Variants in PLCB1 observed in about 807,000 individuals in gnomAD.
PLCB1 encodes the protein phospholipase C beta 1.
Under a neutral mutation model 161.8 loss-of-function variants are expected in PLCB1, and 46 were observed. The ratio of observed to expected loss-of-function variants is 0.28; its 90% confidence interval spans 0.22 to 0.36. The LOEUF is 0.36. PLCB1 is among the 10% of genes least tolerant of loss of function. The pLI is 1.00. For synonymous variants in PLCB1, 517 were observed against 503.7 expected, an observed-to-expected ratio of 1.03 and a Z score of -0.35; for missense variants, 1,016 against 1,472.5, an observed-to-expected ratio of 0.69 and a Z score of 5.07.
chr20:8,334,933 A>G (rs1322593592), intron 2 of PLCB1, among the ~76,000 whole-genome samples: 1 of 152,236 alleles, frequency 6.6e-6, no homozygotes, highest in African/African-American at 2.4e-5. Context: ...CAAAGTTCAG[A>G]CATCGAGTTT....
chr20:8,439,157 T>A (rs1980438747), intron 3 of PLCB1, among the ~76,000 whole-genome samples: 1 of 152,130 alleles, frequency 6.6e-6, no homozygotes, highest in East Asian at 1.9e-4. Flanking sequence ...AGTGAGCAAA[T>A]GATTTAACAG....
In PLCB1 at chr20:8,687,110, C is replaced by T. The variant is rs8114417; in HGVS notation, c.1009+2032C>T. Among the ~76,000 whole-genome samples, 716 of 151,730 alleles carry T rather than the reference C, an allele frequency of 4.7e-3. 5 individuals carry two copies. Among genetic ancestry groups the T allele is most frequent in the Non-Finnish European group, 8.6e-3 (581 of 67,934 alleles). On this transcript the variant is annotated intron_variant, in intron 10 of 31. Coordinates refer to ENST00000338037, the MANE Select transcript of PLCB1 (RefSeq NM_015192.4). ...GCATGATGATAGCTCACTGTAGTCC[C>T]GATCTCCTGGGCTCAAGCAATCCTC...
chr20:8,641,948 A>G (rs1285283879), intron 4 of PLCB1, among the ~76,000 whole-genome samples: 1 of 152,180 alleles, frequency 6.6e-6, no homozygotes, highest in African/African-American at 2.4e-5. Context: ...GAAACGACCC[A>G]TTGCACTTGA....
chr20:8,628,926 G>C (rs6077397), intron 4 of PLCB1, among the ~76,000 whole-genome samples: 21,938 of 150,142 alleles, frequency 0.15, 1,582 homozygotes, highest in Middle Eastern at 0.22. Flanking sequence ...GAGTGAGACT[G>C]TATCTCAAAA....
chr20:8,400,071 A>T (rs940774435), intron 3 of PLCB1, among the ~76,000 whole-genome samples: 13 of 152,138 alleles, frequency 8.5e-5, no homozygotes, highest in African/African-American at 3.1e-4. Context: ...ATTTTTATGG[A>T]ATGGAAATCT....
intron 25 of PLCB1, among the ~76,000 whole-genome samples, chr20:8,760,873 T>C (rs1981985286): frequency 6.6e-6 from 1 of 152,240 alleles, no homozygotes; most frequent in Admixed American, 6.5e-5. Flanking sequence ...TTTGGAGTTA[T>C]TTTATATTTG....
chr20:8,152,193 C>T (rs1264875144), intron 2 of PLCB1, among the ~76,000 whole-genome samples: 1 of 152,096 alleles, frequency 6.6e-6, no homozygotes, highest in African/African-American at 2.4e-5. Flanking sequence ...TTACTTTTCA[C>T]TTTCTAAATG....
In PLCB1 at chr20:8,657,262, A is replaced by G; in HGVS notation, c.673A>G (p.Ile225Val). ...CAACAACCTTTGCCCTCGACCTGAA[A>G]TTGATAACATCTTTTCAGAATTGTA... is the stretch of plus-strand genomic sequence containing the variant. ...FLNNLCPRPE[I>V]DNIFSEFGAK... is the part of the protein sequence containing the mutation. The change falls in exon 8 of 32, where the codon ATT becomes GTT. Residue 225 changes from isoleucine (I) to valine (V), a missense_variant. Transcript: ENST00000338037. 1 of 1,598,712 alleles carries G rather than the reference A, an allele frequency of 6.3e-7. No individual in the cohort carries two copies. Among genetic ancestry groups the G allele is most frequent in the South Asian group, 1.1e-5 (1 of 90,772 alleles).
At chr20:8,176,245 T>G (rs571096387) in intron 2 of PLCB1, among the ~76,000 whole-genome samples, 2 of 152,202 alleles carry the variant, frequency 1.3e-5, no homozygotes, top group Non-Finnish European at 2.9e-5. Flanking sequence ...ATAGACCAGA[T>G]GCCTTCAGTG....
chr20:8,215,427 G>A (rs1409396432), intron 2 of PLCB1, among the ~76,000 whole-genome samples: 2 of 151,924 alleles, frequency 1.3e-5, no homozygotes. Flanking sequence ...ACATCATGTC[G>A]CCTCGCAAGC....
chr20:8,881,636 G>A lies in PLCB1; in HGVS notation c.3438G>A (p.Leu1146=). 2 of 1,613,824 alleles carry A rather than the reference G, an allele frequency of 1.2e-6. No individual in the cohort carries two copies. Among genetic ancestry groups the A allele is most frequent in the Non-Finnish European group, 1.7e-6 (2 of 1,179,786 alleles). Residue 1146 remains leucine (L), a synonymous_variant, in exon 32 of 32, where the codon CTG becomes CTA. Coordinates refer to ENST00000338037, the MANE Select transcript of PLCB1 (RefSeq NM_015192.4). ...ATGTCTCTCAGCTGCAGGTGGAGCT[G>A]GAGCAAGAATACCAAGACAAATTCA... The part of the protein sequence containing the change: ...LDEKPKLQVE[L]EQEYQDKFKR...
intron 2 of PLCB1, among the ~76,000 whole-genome samples, chr20:8,353,192 A>G (rs762197706): frequency 2.0e-5 from 3 of 152,116 alleles, no homozygotes; most frequent in Non-Finnish European, 4.4e-5. Flanking sequence ...TCTCAAAGGA[A>G]CATATGGAAC....
chr20:8,430,984 T>TAA (rs1980015356), intron 3 of PLCB1, among the ~76,000 whole-genome samples: 1 of 152,018 alleles, frequency 6.6e-6, no homozygotes, highest in Non-Finnish European at 1.5e-5. Context: ...AAGGAGAAAT[T>TAA]AAAAAGTTTT....
intron 2 of PLCB1, among the ~76,000 whole-genome samples, chr20:8,150,592 T>C (rs894006959): frequency 2.6e-5 from 4 of 152,168 alleles, no homozygotes; most frequent in Non-Finnish European, 5.9e-5. Context: ...GCAATTGGTA[T>C]TTTTGGTTCT....
intron 2 of PLCB1, among the ~76,000 whole-genome samples, chr20:8,229,789 G>A (rs1979905369): frequency 6.6e-6 from 1 of 151,674 alleles, no homozygotes; most frequent in Non-Finnish European, 1.5e-5. Context: ...GGGAGGCCAA[G>A]GCGGGGGTGG....
chr20:8,450,288 T>C (rs555282248), intron 3 of PLCB1, among the ~76,000 whole-genome samples: 1 of 152,184 alleles, frequency 6.6e-6, no homozygotes, highest in Non-Finnish European at 1.5e-5. Context: ...TCTATTTCAA[T>C]ACCTGATATT....
chr20:8,575,887 C>T (rs1001080361), intron 3 of PLCB1, among the ~76,000 whole-genome samples: 1 of 152,146 alleles, frequency 6.6e-6, no homozygotes, highest in African/African-American at 2.4e-5. Context: ...AAATCAGTCA[C>T]CATTTTAAAC....
chr20:8,872,012 G>A (rs2036683974), intron 31 of PLCB1, among the ~76,000 whole-genome samples: 1 of 152,100 alleles, frequency 6.6e-6, no homozygotes, highest in Non-Finnish European at 1.5e-5. Flanking sequence ...TTCATAAAAT[G>A]CAAGCATTCT....
chr20:8,851,422 G>T (rs1236141824), intron 31 of PLCB1, among the ~76,000 whole-genome samples: 2 of 152,206 alleles, frequency 1.3e-5, no homozygotes, highest in African/African-American at 2.4e-5. Flanking sequence ...TAGCCTAGGA[G>T]GTAGTCATTG....
Sources: allele counts gnomAD v4.1 joint callset (sites outside exome capture counted in the v4.1 genomes callset), GRCh38; gene constraint gnomAD v4.1.1; transcripts MANE v1.5; gene names NCBI Gene and HGNC (gene_info 2026-07-23, HGNC 2026-07-21).